Variants in PCNX2 observed in about 807,000 individuals in gnomAD.
PCNX2 encodes the protein pecanex-like protein 2.
In PCNX2, 168 loss-of-function variants were observed where a neutral mutation model predicts 223.8. That is an observed-to-expected ratio of 0.75 (90% confidence interval 0.66 to 0.85). The LOEUF (loss-of-function observed/expected upper bound fraction) is 0.85, where lower values mean the gene tolerates loss of function less well. PCNX2 is among the 40% of genes least tolerant of loss of function. The pLI, the probability that PCNX2 is intolerant of heterozygous loss-of-function variation, is 0.00. For synonymous variants in PCNX2, 1,006 were observed against 1,052.6 expected, an observed-to-expected ratio of 0.96 and a Z score of 0.86; for missense variants, 2,507 against 2,675.5, an observed-to-expected ratio of 0.94 and a Z score of 1.39.
the PCNX2 span, among the ~76,000 whole-genome samples, chr1:233,313,197 C>T: frequency 6.6e-6 from 1 of 152,150 alleles, no homozygotes; most frequent in East Asian, 1.9e-4. Flanking sequence ...GAAGGAAGCA[C>T]AGGGAGTTTC....
chr1:233,030,334 T>C (rs1671220730), intron 25 of PCNX2, among the ~76,000 whole-genome samples: 1 of 152,216 alleles, frequency 6.6e-6, no homozygotes, highest in Admixed American at 6.5e-5. Flanking sequence ...CATTTTTCCT[T>C]TGAAATCCTA....
At chr1:233,025,579 C>A in intron 25 of PCNX2, 180 bp from the exon 26 acceptor site, 1 of 711,340 alleles carries the variant, frequency 1.4e-6, no homozygotes, top group Non-Finnish European at 2.3e-6. Context: ...ATCATGAACT[C>A]TTTTATTCAC....
At chr1:233,259,495 T>C (rs1659934148) in intron 4 of PCNX2, 151 bp from the exon 5 acceptor site, 1 of 740,102 alleles carries the variant, frequency 1.4e-6, no homozygotes, top group Non-Finnish European at 1.6e-6. Context: ...CTGGGTTACA[T>C]GTGCAGAACA....
intron 1 of PCNX2, among the ~76,000 whole-genome samples, chr1:233,263,818 T>C (rs1480484473): frequency 1.3e-5 from 2 of 152,140 alleles, no homozygotes; most frequent in African/African-American, 4.8e-5. Context: ...CAGCTCATCT[T>C]AAAGGCCAGA....
At chr1:232,988,931 A>G (rs547080215) in intron 32 of PCNX2, among the ~76,000 whole-genome samples, 1 of 152,326 alleles carries the variant, frequency 6.6e-6, no homozygotes, top group African/African-American at 2.4e-5. Flanking sequence ...GCAGATGCAC[A>G]GCGTGGCTGG....
intron 17 of PCNX2, among the ~76,000 whole-genome samples, chr1:233,169,375 G>A (rs976763737): frequency 2.6e-5 from 4 of 151,418 alleles, no homozygotes; most frequent in Admixed American, 6.6e-5. Context: ...GGCCGGGCGC[G>A]GTGGCTCACG....
At chr1:233,060,956 C>T (rs185792477) in intron 23 of PCNX2, among the ~76,000 whole-genome samples, 14 of 152,304 alleles carry the variant, frequency 9.2e-5, no homozygotes, top group Middle Eastern at 3.4e-3. Flanking sequence ...CTTGGCCTTT[C>T]CACCCCATGG....
At chr1:233,202,275 C>T in intron 13 of PCNX2, 3 of 458,948 alleles carry the variant, frequency 6.5e-6, no homozygotes, top group Non-Finnish European at 9.0e-6. Context: ...TTTCTGTTAG[C>T]ATACCACTGA....
In PCNX2 at chr1:233,077,614, C is replaced by T. The variant is rs1441605484; in HGVS notation, c.4076+12447G>A. Among the ~76,000 whole-genome samples the T allele has an allele frequency of 2.0e-5, 3 of 152,296 alleles. No homozygotes were observed. The East Asian group carries it at 5.8e-4, about 29-fold the overall frequency. On this transcript the variant is annotated intron_variant, in intron 23 of 33. Transcript: ENST00000258229. The stretch of plus-strand genomic sequence containing the variant: ...TCTCCCAAGTCTGTCCTATGCCTCT[C>T]TCACAAAGTCTTCCCTGACTACAGG...
At chr1:233,243,837 TTTA>T (rs201377613) in intron 8 of PCNX2, among the ~76,000 whole-genome samples, 2,996 of 149,378 alleles carry the variant, frequency 0.02, 40 homozygotes, top group African/African-American at 0.046. Context: ...TTTTTTATTT[TTTA>T]TTTTTTTTTG....
At chr1:233,066,608 C>T (rs1672619675) in intron 23 of PCNX2, among the ~76,000 whole-genome samples, 1 of 152,222 alleles carries the variant, frequency 6.6e-6, no homozygotes, top group Non-Finnish European at 1.5e-5. Context: ...GTGGTCAGAC[C>T]TCACACCCAC....
intron 28 of PCNX2, among the ~76,000 whole-genome samples, chr1:233,003,824 A>G (rs1274965865): frequency 6.6e-6 from 1 of 152,234 alleles, no homozygotes; most frequent in East Asian, 1.9e-4. Flanking sequence ...ATGAAGCCAT[A>G]AAAAAGGATG....
At chr1:233,117,636 C>A (rs74230952) in intron 21 of PCNX2, among the ~76,000 whole-genome samples, 2,520 of 149,250 alleles carry the variant, frequency 0.017, 29 homozygotes, top group East Asian at 0.044. Flanking sequence ...CCCCCATACA[C>A]AAAAATATAG....
At chr1:233,207,973 GAGAA>G (rs1333903846) in intron 13 of PCNX2, among the ~76,000 whole-genome samples, 8 of 147,046 alleles carry the variant, frequency 5.4e-5, no homozygotes, top group Non-Finnish European at 1.2e-4. Context: ...TTTTTTTTTT[GAGAA>G]AGAGTTTCAC....
rs144764897 is a variant in PCNX2 at position 233,250,239 on chromosome 1, T to G, written c.2222+500A>C. 3.2e-3 allele frequency among the ~76,000 whole-genome samples: 481 copies of G among 149,154 alleles called. 2 individuals are homozygous for G. Among genetic ancestry groups the G allele is most frequent in the African/African-American group, 0.012 (465 of 40,102 alleles). The stretch of plus-strand genomic sequence containing the variant: ...TATTAATCATCGTATGTCCCAGATA[T>G]GCAAACTAATTTAATATCAACTTCA... On this transcript the variant is annotated intron_variant, in intron 8 of 33. Coordinates refer to ENST00000258229, the MANE Select transcript of PCNX2 (RefSeq NM_014801.4).
intron 15 of PCNX2, among the ~76,000 whole-genome samples, chr1:233,196,002 C>A (rs947551930): frequency 1.3e-5 from 2 of 152,082 alleles, no homozygotes; most frequent in African/African-American, 4.8e-5. Context: ...TTGGGAGACA[C>A]ACTATCTGAT....
intron 17 of PCNX2, among the ~76,000 whole-genome samples, chr1:233,169,465 T>A (rs1572010508): frequency 6.6e-6 from 1 of 151,482 alleles, no homozygotes; most frequent in South Asian, 2.1e-4. Context: ...GCTAACACGG[T>A]GAAACCCCGT....
At chr1:233,022,004 C>T (rs1430760785) in intron 26 of PCNX2, among the ~76,000 whole-genome samples, 1 of 152,164 alleles carries the variant, frequency 6.6e-6, no homozygotes, top group Non-Finnish European at 1.5e-5. Flanking sequence ...CAGGGTTAGG[C>T]CAGGGAGGAT....
At chr1:232,999,453 T>C (rs1670000981) in intron 30 of PCNX2, 74 bp from the exon 31 acceptor site, 6 of 145,668 alleles carry the variant, frequency 4.1e-5, no homozygotes, top group East Asian at 4.9e-4. Flanking sequence ...TTTCTTTTTC[T>C]TTTTTTTTTT....
Sources: allele counts gnomAD v4.1 joint callset (sites outside exome capture counted in the v4.1 genomes callset), GRCh38; gene constraint gnomAD v4.1.1; transcripts MANE v1.5; gene names NCBI Gene and HGNC (gene_info 2026-07-23, HGNC 2026-07-21).